Variants in CHN2 observed in about 807,000 individuals in gnomAD.
The protein encoded by CHN2 is chimerin 2.
A neutral mutation model predicts 56.3 loss-of-function variants in CHN2; 35 were observed. The observed-to-expected ratio is 0.62, with a 90% CI of 0.47 to 0.82. CHN2 has a LOEUF of 0.82. Ranked by LOEUF, CHN2 falls within the 40% of genes least tolerant of loss-of-function variation. The pLI is 0.00. For missense variants in CHN2, 491 were observed against 580.5 expected (o/e 0.85, Z 1.58); for synonymous variants, 210 against 212.8 (o/e 0.99, Z 0.12).
At chr7:29,438,667 G>A (rs1783415616) in intron 6 of CHN2, among the ~76,000 whole-genome samples, 1 of 152,132 alleles carries the variant, frequency 6.6e-6, no homozygotes, top group South Asian at 2.1e-4. Flanking sequence ...TACCTACTTT[G>A]CACTGTTTGG....
At chr7:29,333,007 A>G (rs1000466706) in intron 1 of CHN2, 1 of 152,096 alleles carries the variant, frequency 6.6e-6, no homozygotes, top group African/African-American at 2.4e-5. Flanking sequence ...TGGAGTATTC[A>G]TGTTCATTCA....
chr7:29,429,911 G>T (rs140088978), intron 6 of CHN2, among the ~76,000 whole-genome samples: 21 of 152,088 alleles, frequency 1.4e-4, no homozygotes, highest in Non-Finnish European at 2.5e-4. Flanking sequence ...CTATATCTTC[G>T]ATTTCATATG....
intron 7 of CHN2, among the ~76,000 whole-genome samples, chr7:29,486,794 A>G (rs1458526591): frequency 3.9e-5 from 6 of 152,102 alleles, no homozygotes; most frequent in Non-Finnish European, 7.4e-5. Flanking sequence ...CTAGAAGTTC[A>G]AGAAGCTAAG....
At chr7:29,334,004 G>A (rs1012690216) in intron 1 of CHN2, among the ~76,000 whole-genome samples, 8 of 150,548 alleles carry the variant, frequency 5.3e-5, no homozygotes, top group African/African-American at 2.0e-4. Context: ...TATAAGAAAA[G>A]ATTAAATACA....
intron 2 of CHN2, among the ~76,000 whole-genome samples, chr7:29,156,125 T>G (rs1235611414): frequency 1.3e-5 from 2 of 152,228 alleles, no homozygotes; most frequent in African/African-American, 4.8e-5. Context: ...CAGAGAAAAC[T>G]GGAAAACCAT....
At chr7:29,196,576 C>G (rs1363798608) in intron 1 of CHN2, among the ~76,000 whole-genome samples, 1 of 152,168 alleles carries the variant, frequency 6.6e-6, no homozygotes, top group Non-Finnish European at 1.5e-5. Flanking sequence ...ATGGTTATCC[C>G]TCTCAGAAAA....
At chr7:29,323,044 C>T (rs1795482472) in intron 1 of CHN2, among the ~76,000 whole-genome samples, 1 of 152,160 alleles carries the variant, frequency 6.6e-6, no homozygotes, top group South Asian at 2.1e-4. Context: ...GTCTCAGCTA[C>T]TTGGGAGGCT....
intron 1 of CHN2, among the ~76,000 whole-genome samples, chr7:29,268,420 A>G (rs1022043015): frequency 3.9e-5 from 6 of 152,050 alleles, no homozygotes; most frequent in East Asian, 1.9e-4. Context: ...TGCATTTTCA[A>G]CTTCTCTTGA....
rs139947571 is a variant in CHN2, at chr7:29,251,745, C to T, written c.49+56755C>T. Reference sequence around the variant, plus strand: ...TGAAATGAAGAGAAATATGTCAGTACATGAAAACTGTGAGTGTTTACTTTC... The same window carrying T: ...TGAAATGAAGAGAAATATGTCAGTATATGAAAACTGTGAGTGTTTACTTTC... On this transcript the variant is annotated intron_variant, in intron 1 of 12. Coordinates refer to ENST00000222792, the MANE Select transcript of CHN2 (RefSeq NM_004067.4). 2.0e-3 allele frequency among the ~76,000 whole-genome samples: 306 copies of T among 152,264 alleles called. 6 individuals carry two copies. Among genetic ancestry groups the T allele is most frequent in the African/African-American group, 7.0e-3 (291 of 41,556 alleles).
intron 3 of CHN2, among the ~76,000 whole-genome samples, chr7:29,370,196 C>T (rs181067483): frequency 1.3e-5 from 2 of 152,300 alleles, no homozygotes; most frequent in East Asian, 3.9e-4. Context: ...TCCCAAGCCT[C>T]CCAGGAGTTG....
intron 1 of CHN2, among the ~76,000 whole-genome samples, chr7:29,270,492 TAAA>T (rs869244337): frequency 0.024 from 2,564 of 105,346 alleles, 26 homozygotes; most frequent in Admixed American, 0.033. Flanking sequence ...CCATCTCTAC[TAAA>T]AAAAAAAAAA....
Position 29,354,650 on chromosome 7 carries a change from A to G in CHN2, c.75A>G (p.Ile25Met). The G allele has an allele frequency of 1.2e-6, 2 of 1,611,418 alleles. No individual in the cohort carries two copies. The highest frequency in any genetic ancestry group is 1.7e-6 in the Non-Finnish European group (2 of 1,179,272). The change falls in exon 2 of 13, where the codon ATA (isoleucine) becomes ATG (methionine). Residue 25 changes from isoleucine to methionine, a missense_variant. Coordinates refer to ENST00000222792, the MANE Select transcript of CHN2 (RefSeq NM_004067.4). ...SSDAEEYQPPIWKSYLYQLQQ... is the reference protein window; with the variant it reads ...SSDAEEYQPPMWKSYLYQLQQ... ...ATGCTGAAGAATACCAGCCTCCTAT[A>G]TGGAAATCATACTGTGAGTACCTGA...
chr7:29,205,717 C>T (rs912015804), intron 1 of CHN2, among the ~76,000 whole-genome samples: 7 of 152,164 alleles, frequency 4.6e-5, no homozygotes, highest in Admixed American at 6.5e-5. Context: ...TGTAAAGCTC[C>T]AATATGCATC....
At chr7:29,210,600 A>G (rs994255993) in intron 1 of CHN2, among the ~76,000 whole-genome samples, 30 of 151,616 alleles carry the variant, frequency 2.0e-4, no homozygotes, top group African/African-American at 7.2e-4. Context: ...TAATTTGTAT[A>G]TATAAATGTG....
At chr7:29,470,824 T>G (rs926462230) in intron 6 of CHN2, among the ~76,000 whole-genome samples, 1 of 152,214 alleles carries the variant, frequency 6.6e-6, no homozygotes, top group Non-Finnish European at 1.5e-5. Context: ...AGCTAGAAAT[T>G]GAGTGTCTTG....
At chr7:29,241,813 C>T (rs1407934760) in intron 1 of CHN2, among the ~76,000 whole-genome samples, 1 of 152,030 alleles carries the variant, frequency 6.6e-6, no homozygotes, top group Non-Finnish European at 1.5e-5. Context: ...GGCTGAGTGG[C>T]AAACATAATT....
chr7:29,345,934 A>G (rs147357476), intron 1 of CHN2, among the ~76,000 whole-genome samples: 216 of 152,212 alleles, frequency 1.4e-3, no homozygotes, highest in Non-Finnish European at 2.3e-3. Flanking sequence ...CTTACTAACT[A>G]TTCTCTGCAA....
intron 2 of CHN2, among the ~76,000 whole-genome samples, chr7:29,175,615 C>A (rs1055502489): frequency 2.6e-5 from 4 of 152,136 alleles, no homozygotes; most frequent in Non-Finnish European, 5.9e-5. Context: ...TCAATTTTTC[C>A]TCTTATCTTT....
At chr7:29,507,003 G>A (rs1423895695) in intron 10 of CHN2, among the ~76,000 whole-genome samples, 2 of 152,156 alleles carry the variant, frequency 1.3e-5, no homozygotes, top group Admixed American at 1.3e-4. Flanking sequence ...ACTGTTTGAA[G>A]TTTGTTTTAT....
Sources: allele counts gnomAD v4.1 joint callset (sites outside exome capture counted in the v4.1 genomes callset), GRCh38; gene constraint gnomAD v4.1.1; transcripts MANE v1.5; gene names NCBI Gene and HGNC (gene_info 2026-07-23, HGNC 2026-07-21).